The following SESTD1 variants were observed in gnomAD, a reference collection of about 807,000 sequenced individuals.
SESTD1 encodes the protein SEC14 domain and spectrin repeat-containing protein 1.
Under a neutral mutation model 101.7 loss-of-function variants are expected in SESTD1, and 43 were observed. The ratio of observed to expected loss-of-function variants is 0.42; its 90% CI spans 0.33 to 0.55. The LOEUF (loss-of-function observed/expected upper bound fraction) is 0.55, where lower values mean the gene tolerates loss of function less well. Ranked by LOEUF, SESTD1 falls within the 20% of genes least tolerant of loss-of-function variation. The pLI is 0.07. For synonymous variants in SESTD1, 283 were observed against 286.8 expected, an observed-to-expected ratio of 0.99 and a Z score of 0.13; for missense variants, 647 against 815.1, an observed-to-expected ratio of 0.79 and a Z score of 2.51.
intron 1 of SESTD1, among the ~76,000 whole-genome samples, chr2:179,247,746 T>C (rs80122020): frequency 0.083 from 12,585 of 152,060 alleles, 1,696 homozygotes; most frequent in African/African-American, 0.29. Flanking sequence ...GATTAAAGGA[T>C]GTTATTTCTG....
rs753215795 is a variant in SESTD1 at position 179,206,306 on chromosome 2, C to A, written c.-25-14440G>T. ...AAGTGGCTTGCTGCTGCAAACACCA[C>A]AAAACAGCTAAAAAACTGTGAATCA... On this transcript the variant is annotated intron_variant, in intron 1 of 17. Transcript: ENST00000428443. Among the ~76,000 whole-genome samples the A allele has an allele frequency of 1.5e-5, 2 of 134,792 alleles. 1 individual carries two copies. The highest frequency in any genetic ancestry group is 3.2e-5 in the Non-Finnish European group (2 of 62,508). The allele number at this position is 134,792 out of a possible 152,430, so 88.4% of individuals were successfully genotyped here. A position where few individuals can be genotyped will look rare whatever the true frequency, so the allele number is the denominator to read the frequency against.
At chr2:179,167,676 TATAA>T (rs1212768041) in intron 5 of SESTD1, among the ~76,000 whole-genome samples, 2 of 152,180 alleles carry the variant, frequency 1.3e-5, no homozygotes, top group Non-Finnish European at 2.9e-5. Flanking sequence ...GGACCAAAGA[TATAA>T]ATAACAGCGG....
At chr2:179,214,307 CA>C (rs1203398197) in intron 1 of SESTD1, among the ~76,000 whole-genome samples, 1 of 131,038 alleles carries the variant, frequency 7.6e-6, no homozygotes, top group Admixed American at 7.4e-5. Flanking sequence ...AAATGGAAAG[CA>C]AAAAAAAGCA....
At chr2:179,135,361 A>T (rs2045116819) in intron 9 of SESTD1, among the ~76,000 whole-genome samples, 1 of 152,148 alleles carries the variant, frequency 6.6e-6, no homozygotes, top group Admixed American at 6.6e-5. Context: ...AAGGTATGTG[A>T]TATTTTGTGA....
At chr2:179,120,227 C>CA (rs143045410) in intron 13 of SESTD1, among the ~76,000 whole-genome samples, 13,885 of 144,172 alleles carry the variant, frequency 0.096, 2,048 homozygotes, top group African/African-American at 0.33. Context: ...GACTCTGTTT[C>CA]AAAAAAAAAA....
chr2:179,172,047 C>T (rs916345558), intron 5 of SESTD1, 73 bp downstream of exon 5: 15 of 981,468 alleles, frequency 1.5e-5, no homozygotes, highest in East Asian at 2.5e-5. Flanking sequence ...CAATGCTGAA[C>T]GGTCAAAAAT....
intron 3 of SESTD1, among the ~76,000 whole-genome samples, chr2:179,180,808 A>C (rs879478096): frequency 3.3e-5 from 5 of 152,168 alleles, no homozygotes; most frequent in Non-Finnish European, 7.4e-5. Context: ...TAGCATCGCA[A>C]TGGAGAGATC....
At chr2:179,254,687 T>A (rs2047367022) in intron 1 of SESTD1, among the ~76,000 whole-genome samples, 1 of 152,226 alleles carries the variant, frequency 6.6e-6, no homozygotes, top group African/African-American at 2.4e-5. Context: ...GCCCATGAAA[T>A]AAAACCTACT....
At chr2:179,185,486 A>T (rs1015745594) in intron 2 of SESTD1, among the ~76,000 whole-genome samples, 31 of 141,456 alleles carry the variant, frequency 2.2e-4, no homozygotes, top group African/African-American at 7.8e-4. Context: ...CTTATCATAT[A>T]TACAATATAT....
intron 2 of SESTD1, among the ~76,000 whole-genome samples, chr2:179,185,655 G>GTATAT (rs1559134144): frequency 2.6e-4 from 20 of 75,486 alleles, no homozygotes; most frequent in Admixed American, 7.7e-4. Flanking sequence ...ATACAATATA[G>GTATAT]CATATACAAT....
At chr2:179,243,834 T>G (rs555527506) in intron 1 of SESTD1, among the ~76,000 whole-genome samples, 4 of 151,512 alleles carry the variant, frequency 2.6e-5, no homozygotes, top group African/African-American at 9.7e-5. Context: ...ACAGGACCAT[T>G]CATACCCTAA....
At chr2:179,139,401 T>A (rs1451852124) in intron 9 of SESTD1, among the ~76,000 whole-genome samples, 2 of 152,072 alleles carry the variant, frequency 1.3e-5, no homozygotes, top group Non-Finnish European at 2.9e-5. Context: ...ATAAACTTTA[T>A]AAAATTAATC....
At chr2:179,163,865 T>C (rs930085148) in intron 5 of SESTD1, among the ~76,000 whole-genome samples, 50 of 152,308 alleles carry the variant, frequency 3.3e-4, no homozygotes, top group African/African-American at 1.1e-3. Context: ...TCTCAAATTT[T>C]AACTTGCAGA....
intron 1 of SESTD1, among the ~76,000 whole-genome samples, chr2:179,237,171 C>T (rs2047081026): frequency 1.4e-5 from 2 of 144,224 alleles, no homozygotes; most frequent in Non-Finnish European, 1.6e-5. Flanking sequence ...ATTTTCTAAT[C>T]CTAAAACAGA....
At chr2:179,123,302 C>G (rs1341778355) in intron 12 of SESTD1, among the ~76,000 whole-genome samples, 4 of 152,126 alleles carry the variant, frequency 2.6e-5, no homozygotes, top group Non-Finnish European at 5.9e-5. Context: ...AAAAACCAAA[C>G]CAACTATTTT....
intron 5 of SESTD1, among the ~76,000 whole-genome samples, chr2:179,156,135 T>C (rs569785764): frequency 2.4e-4 from 36 of 152,054 alleles, no homozygotes; most frequent in African/African-American, 7.0e-4. Context: ...TGTATATACG[T>C]ATATATGTAT....
At chr2:179,231,702 G>C (rs1173757583) in intron 1 of SESTD1, among the ~76,000 whole-genome samples, 2 of 130,970 alleles carry the variant, frequency 1.5e-5, no homozygotes, top group Non-Finnish European at 3.3e-5. Context: ...ACCTAAAACA[G>C]TATAGACCAA....
rs762975954 is a variant in SESTD1 at position 179,123,873 on chromosome 2, C to T, written c.1168-44G>A. The T allele has an allele frequency of 4.5e-5, 63 of 1,403,372 alleles. No homozygotes were observed. The Admixed American group carries it at 1.1e-3, about 24-fold the overall frequency. 86.9% of individuals were successfully genotyped at this position (1,403,372 alleles called of 1,614,324 possible). On this transcript the variant is annotated intron_variant, in intron 11 of 17. Coordinates refer to ENST00000428443, the MANE Select transcript of SESTD1 (RefSeq NM_178123.5). ...AAAGAGATAACCCTGATGTAATCAG[C>T]ATCTAAAGTGTTTAATGATTAATGA...
intron 1 of SESTD1, among the ~76,000 whole-genome samples, chr2:179,227,279 T>C (rs1036301233): frequency 1.3e-5 from 2 of 152,182 alleles, no homozygotes; most frequent in African/African-American, 2.4e-5. Context: ...ATATTCACTA[T>C]TACCCCCCAC....
Sources: gnomAD v4.1 joint callset for allele counts (sites outside exome capture counted in the v4.1 genomes callset) on GRCh38, gnomAD v4.1.1 for gene constraint, MANE v1.5 for transcripts, NCBI Gene and HGNC (gene_info 2026-07-23, HGNC 2026-07-21) for gene names.